The following AGBL1 variants were observed in gnomAD, a reference collection of about 807,000 sequenced individuals.
AGBL1 encodes the protein AGBL carboxypeptidase 1.
Under a neutral mutation model 118.9 loss-of-function variants are expected in AGBL1, and 130 were observed. The observed-to-expected ratio is 1.09, with a 90% CI of 0.95 to 1.26. AGBL1 has a LOEUF of 1.26. AGBL1 is among the 50% of genes most tolerant of loss of function. AGBL1 has a pLI of 0.00. For missense variants in AGBL1, 1,584 were observed against 1,298.1 expected, an observed-to-expected ratio of 1.22 and a Z score of -3.38; for synonymous variants, 555 against 478.9, an observed-to-expected ratio of 1.16 and a Z score of -2.08.
intron 6 of AGBL1, among the ~76,000 whole-genome samples, chr15:86,244,063 GTAAATAAA>G (rs10667570): frequency 2.3e-4 from 33 of 143,898 alleles, no homozygotes; most frequent in East Asian, 1.2e-3. Context: ...AGATAAATAA[GTAAATAAA>G]TAAATAAATA....
chr15:86,511,484 C>T (rs1217162682), intron 18 of AGBL1, among the ~76,000 whole-genome samples: 2 of 151,988 alleles, frequency 1.3e-5, no homozygotes, highest in Non-Finnish European at 2.9e-5. Context: ...GACATTTGTG[C>T]TTCTTATAAG....
intron 22 of AGBL1, among the ~76,000 whole-genome samples, chr15:86,888,108 G>A (rs576875525): frequency 5.3e-5 from 8 of 152,022 alleles, no homozygotes; most frequent in Non-Finnish European, 8.8e-5. Flanking sequence ...GATTCTTTTC[G>A]TTTGGGCCCA....
intron 11 of AGBL1, among the ~76,000 whole-genome samples, chr15:86,265,680 T>C (rs191888727): frequency 6.6e-6 from 1 of 152,316 alleles, no homozygotes; most frequent in African/African-American, 2.4e-5. Context: ...GCTCATTTTT[T>C]GAGAAACAGA....
At chr15:87,028,263 C>T (rs565298509) in intron 24 of AGBL1, among the ~76,000 whole-genome samples, 1 of 151,964 alleles carries the variant, frequency 6.6e-6, no homozygotes, top group East Asian at 1.9e-4. Flanking sequence ...ATTTTGTAAG[C>T]TGTATTATAA....
chr15:86,629,152 G>C (rs182194685), intron 21 of AGBL1, among the ~76,000 whole-genome samples: 46 of 152,098 alleles, frequency 3.0e-4, no homozygotes, highest in Admixed American at 1.6e-3. Context: ...CCACCCTCCA[G>C]CTCCTGGTAA....
At chr15:86,502,322 C>T (rs920605760) in intron 18 of AGBL1, among the ~76,000 whole-genome samples, 4 of 151,410 alleles carry the variant, frequency 2.6e-5, no homozygotes, top group Admixed American at 2.6e-4. Flanking sequence ...TTTATTACCT[C>T]TAATTTTTTG....
intron 22 of AGBL1, among the ~76,000 whole-genome samples, chr15:86,691,023 TATTA>T (rs1231303641): frequency 1.3e-5 from 2 of 152,162 alleles, no homozygotes; most frequent in African/African-American, 4.8e-5. Context: ...GAACAAAAGA[TATTA>T]ATTCATATTA....
chr15:86,725,752 C>G (rs2142734783), intron 22 of AGBL1, among the ~76,000 whole-genome samples: 1 of 152,302 alleles, frequency 6.6e-6, no homozygotes, highest in East Asian at 1.9e-4. Flanking sequence ...TCTGATGCCA[C>G]TGGTAGGTAT....
intron 5 of AGBL1, among the ~76,000 whole-genome samples, chr15:86,186,986 C>T (rs1360891370): frequency 2.0e-5 from 3 of 152,172 alleles, no homozygotes; most frequent in Non-Finnish European, 4.4e-5. Context: ...TGCTTATTTC[C>T]ATTAATAATT....
rs150495004 is a variant in AGBL1, at chr15:86,405,238, G to A, written c.2555+7692G>A. On this transcript the variant is annotated intron_variant, in intron 18 of 22. Coordinates refer to ENST00000614907, the MANE Select transcript of AGBL1 (RefSeq NM_001386094.1). The stretch of plus-strand genomic sequence containing the variant: ...AGAAAGTGCCTATGCCTGGCCGGGC[G>A]CGGTGGCTCATGCCTGTAATCCCAG... 8.2e-3 allele frequency among the ~76,000 whole-genome samples: 1,250 copies of A among 151,750 alleles called. 12 individuals carry two copies. The highest frequency in any genetic ancestry group is 0.028 in the African/African-American group (1,159 of 41,382).
chr15:86,209,252 AG>A (rs1286442134), intron 5 of AGBL1, among the ~76,000 whole-genome samples: 1 of 152,246 alleles, frequency 6.6e-6, no homozygotes, highest in East Asian at 1.9e-4. Flanking sequence ...GGTCTATTTT[AG>A]AATAAGTGTG....
chr15:86,791,226 G>C (rs1210147363), intron 22 of AGBL1, among the ~76,000 whole-genome samples: 1 of 152,132 alleles, frequency 6.6e-6, no homozygotes, highest in East Asian at 1.9e-4. Context: ...CTGAAGATAA[G>C]TTTCCCAATA....
chr15:86,807,450 G>A (rs944155942), intron 22 of AGBL1, among the ~76,000 whole-genome samples: 5 of 152,070 alleles, frequency 3.3e-5, no homozygotes, highest in Non-Finnish European at 5.9e-5. Context: ...TGACAACAGT[G>A]GTAGCGCAAG....
At chr15:86,542,219 T>A (rs1404001786) in intron 19 of AGBL1, among the ~76,000 whole-genome samples, 1 of 152,026 alleles carries the variant, frequency 6.6e-6, no homozygotes, top group Non-Finnish European at 1.5e-5. Context: ...GTATACTGAG[T>A]TTATCCTGTT....
At chr15:86,231,320 T>G (rs569541405) in intron 6 of AGBL1, among the ~76,000 whole-genome samples, 1 of 152,306 alleles carries the variant, frequency 6.6e-6, no homozygotes, top group South Asian at 2.1e-4. Context: ...CACATTTGCT[T>G]TCAGTATGCC....
At chr15:86,656,619 C>G (rs1453955750) in intron 21 of AGBL1, among the ~76,000 whole-genome samples, 1 of 152,152 alleles carries the variant, frequency 6.6e-6, no homozygotes, top group Non-Finnish European at 1.5e-5. Flanking sequence ...ATGACATAGT[C>G]TAATTTGACC....
At chr15:86,885,659 A>G (rs56963818) in intron 22 of AGBL1, among the ~76,000 whole-genome samples, 4,575 of 152,302 alleles carry the variant, frequency 0.03, 211 homozygotes, top group African/African-American at 0.1. Flanking sequence ...TGAAAAAAGC[A>G]ATAAGATATA....
chr15:86,081,112 C>T (rs1432558029), intron 1 of AGBL1, among the ~76,000 whole-genome samples: 1 of 152,078 alleles, frequency 6.6e-6, no homozygotes, highest in Non-Finnish European at 1.5e-5. Context: ...GGTGTGATCT[C>T]GACTCACTAC....
chr15:86,953,590 C>T (rs560472697), intron 23 of AGBL1, among the ~76,000 whole-genome samples: 4 of 151,978 alleles, frequency 2.6e-5, no homozygotes, highest in Admixed American at 6.6e-5. Context: ...AGGGTTTCAC[C>T]ATGTTGGCCA....
Sources: gnomAD v4.1 joint callset for allele counts (sites outside exome capture counted in the v4.1 genomes callset) on GRCh38, gnomAD v4.1.1 for gene constraint, MANE v1.5 for transcripts, NCBI Gene and HGNC (gene_info 2026-07-23, HGNC 2026-07-21) for gene names.